TSPAN9: variants seen among roughly 807,000 people sequenced by gnomAD.
TSPAN9 encodes the protein tetraspanin-9.
TSPAN9 carries 16 observed loss-of-function variants against 31.0 expected under a neutral mutation model. The ratio of observed to expected loss-of-function variants is 0.52; its 90% CI spans 0.35 to 0.78. TSPAN9 has a LOEUF of 0.78. Ranked by LOEUF, TSPAN9 falls within the 30% of genes least tolerant of loss-of-function variation. The probability of loss-of-function intolerance (pLI) is 0.01; values close to 1 mark genes in which losing one functional copy is unlikely to be tolerated. For missense variants in TSPAN9, 272 were observed against 312.5 expected, an observed-to-expected ratio of 0.87 and a Z score of 0.98; for synonymous variants, 145 against 121.6, an observed-to-expected ratio of 1.19 and a Z score of -1.27.
At chr12:3,134,809 G>A (rs779404860) in intron 2 of TSPAN9, among the ~76,000 whole-genome samples, 26 of 152,180 alleles carry the variant, frequency 1.7e-4, no homozygotes, top group Non-Finnish European at 3.1e-4. Flanking sequence ...GAAGGTGGAC[G>A]TATAGTCAGG....
In TSPAN9 at chr12:3,126,246, C is replaced by T. The variant is rs115483374; in HGVS notation, c.-18+42527C>T. Among the ~76,000 whole-genome samples the T allele has an allele frequency of 1.1e-3, 161 of 152,336 alleles. 1 individual carries two copies. Among genetic ancestry groups the T allele is most frequent in the African/African-American group, 3.7e-3 (153 of 41,578 alleles). ...AACTATACAGTCACGTGTTGCTTCA[C>T]GACTGGGCTGTGTTCTGGGAAATGC... On this transcript the variant is annotated intron_variant, in intron 2 of 8. Transcript: ENST00000011898.
At position 3,278,627 on chromosome 12, in the gene TSPAN9, A is replaced by C. The variant is rs747202375; in HGVS notation, c.255+15A>C. ...TCCTCCTCAGCGTAAGTTCTGTCCA[A>C]ATCCCCAGCCCCTCCAACTCCTGAT... is the stretch of plus-strand genomic sequence containing the variant. On this transcript the variant is annotated intron_variant, in intron 4 of 8. Transcript: ENST00000011898. The C allele has an allele frequency of 6.2e-7, 1 of 1,608,302 alleles. No individual in the cohort carries two copies. The highest frequency in any genetic ancestry group is 1.3e-5 in the African/African-American group (1 of 74,790).
chr12:3,086,251 G>T (rs988857815), intron 2 of TSPAN9, among the ~76,000 whole-genome samples: 11 of 152,054 alleles, frequency 7.2e-5, no homozygotes, highest in African/African-American at 2.4e-4. Flanking sequence ...GGAGATAGAA[G>T]AACCCCTTTG....
intron 2 of TSPAN9, among the ~76,000 whole-genome samples, chr12:3,146,959 C>T (rs73050175): frequency 0.17 from 25,758 of 152,056 alleles, 2,426 homozygotes; most frequent in Non-Finnish European, 0.22. Flanking sequence ...CTCTGAGCCT[C>T]AGTTTCCTCA....
At chr12:3,225,401 C>T (rs897518684) in intron 3 of TSPAN9, among the ~76,000 whole-genome samples, 1 of 152,104 alleles carries the variant, frequency 6.6e-6, no homozygotes, top group African/African-American at 2.4e-5. Flanking sequence ...TTTTCTCTAC[C>T]TTTCTTGAAA....
chr12:3,093,057 TC>T (rs1170754207), intron 2 of TSPAN9, among the ~76,000 whole-genome samples: 42 of 152,150 alleles, frequency 2.8e-4, no homozygotes, highest in African/African-American at 9.2e-4. Flanking sequence ...GCATTCAGAG[TC>T]CTGGCGTTGT....
chr12:3,231,469 C>T (rs1032118501), intron 3 of TSPAN9, among the ~76,000 whole-genome samples: 13 of 152,202 alleles, frequency 8.5e-5, no homozygotes, highest in African/African-American at 1.7e-4. Flanking sequence ...ATCAGCCCCG[C>T]GTCACTACGG....
chr12:3,199,093 T>G (rs1468288939), intron 2 of TSPAN9, among the ~76,000 whole-genome samples: 1 of 152,218 alleles, frequency 6.6e-6, no homozygotes, highest in Non-Finnish European at 1.5e-5. Flanking sequence ...TCATATCTGT[T>G]TCTTCGAGGG....
intron 2 of TSPAN9, among the ~76,000 whole-genome samples, chr12:3,091,085 G>A (rs1345493117): frequency 6.6e-6 from 1 of 152,228 alleles, no homozygotes; most frequent in East Asian, 1.9e-4. Context: ...TTGTCTTCTT[G>A]GTACTCCCTG....
chr12:3,223,840 A>G (rs945568985), intron 3 of TSPAN9, among the ~76,000 whole-genome samples: 2 of 152,166 alleles, frequency 1.3e-5, no homozygotes, highest in African/African-American at 4.8e-5. Context: ...AGGCGTCGGG[A>G]TGGCATCCAG....
chr12:3,200,835 A>C (rs2153972995), intron 2 of TSPAN9: 6 of 211,914 alleles, frequency 2.8e-5, no homozygotes, highest in South Asian at 1.7e-4. Context: ...GCCCCCCCGC[A>C]GCCCGCGCCC....
At chr12:3,183,344 G>A (rs759122173) in intron 2 of TSPAN9, among the ~76,000 whole-genome samples, 32 of 152,296 alleles carry the variant, frequency 2.1e-4, no homozygotes, top group African/African-American at 4.1e-4. Flanking sequence ...GATTTTCTCC[G>A]CAGCTGGCGT....
intron 3 of TSPAN9, among the ~76,000 whole-genome samples, chr12:3,275,029 C>T (rs1438106519): frequency 4.6e-5 from 7 of 152,240 alleles, no homozygotes; most frequent in Admixed American, 3.9e-4. Context: ...GGGGACAGGG[C>T]ACCAGCTGTG....
intron 2 of TSPAN9, among the ~76,000 whole-genome samples, chr12:3,117,755 C>A (rs1049667377): frequency 1.3e-5 from 2 of 152,184 alleles, no homozygotes; most frequent in African/African-American, 4.8e-5. Flanking sequence ...CTTCTGGGAA[C>A]CTGAGACTAT....
intron 3 of TSPAN9, among the ~76,000 whole-genome samples, chr12:3,250,401 C>T (rs1862226124): frequency 6.6e-6 from 1 of 152,234 alleles, no homozygotes; most frequent in African/African-American, 2.4e-5. Context: ...ACCCCATCAG[C>T]CCTGTTTTTC....
Position 3,235,270 on chromosome 12 carries a change from A to ATG in TSPAN9, c.63+34016_63+34017dup, listed in dbSNP as rs1491042734. 1.9e-3 allele frequency among the ~76,000 whole-genome samples: 179 copies of ATG among 96,138 alleles called. 1 individual carries two copies. The highest frequency in any genetic ancestry group is 6.3e-3 in the Middle Eastern group (1 of 160). The allele number at this position is 96,138 out of a possible 152,430, so 63.1% of individuals were successfully genotyped here. A position where few individuals can be genotyped will look rare whatever the true frequency, so the allele number is the denominator to read the frequency against. Reference sequence around the variant, plus strand: ...TATATATATATATATATATATATATATGTAAGTGAATGAAGGAATGAGTGG... The same window carrying ATG: ...TATATATATATATATATATATATATATGTGTAAGTGAATGAAGGAATGAGTGG... On this transcript the variant is annotated intron_variant, in intron 3 of 8. Coordinates refer to ENST00000011898, the MANE Select transcript of TSPAN9 (RefSeq NM_006675.5).
intron 3 of TSPAN9, among the ~76,000 whole-genome samples, chr12:3,215,578 T>G (rs2098380973): frequency 6.6e-6 from 1 of 152,208 alleles, no homozygotes; most frequent in Non-Finnish European, 1.5e-5. Context: ...CCTAAAGCTG[T>G]GCAATGATTT....
At chr12:3,129,190 A>G (rs1411034407) in intron 2 of TSPAN9, among the ~76,000 whole-genome samples, 1 of 151,750 alleles carries the variant, frequency 6.6e-6, no homozygotes, top group Non-Finnish European at 1.5e-5. Flanking sequence ...GGGTGTTTCT[A>G]CCTTTTGGCT....
rs899591279 is a variant in TSPAN9, at chr12:3,147,310, G to A, written c.-17-53867G>A. ...CGCCAGGGGCTGGAGAGAATGACAG[G>A]CGTCCCATGTATCCCAAAAATGCAG... On this transcript the variant is annotated intron_variant, in intron 2 of 8. Coordinates refer to ENST00000011898, the MANE Select transcript of TSPAN9 (RefSeq NM_006675.5). The surrounding 1 kb of genome is among the most constrained non-coding windows in gnomAD (Gnocchi z 4.3). Among the ~76,000 whole-genome samples the A allele has an allele frequency of 2.6e-5, 4 of 152,138 alleles. No individual in the cohort carries two copies. Among genetic ancestry groups the A allele is most frequent in the Admixed American group, 1.3e-4 (2 of 15,290 alleles).
Sources: gnomAD v4.1 joint callset for allele counts (sites outside exome capture counted in the v4.1 genomes callset) on GRCh38, gnomAD v4.1.1 for gene constraint, Gnocchi (gnomAD v3.1) non-coding constraint, MANE v1.5 for transcripts, NCBI Gene and HGNC (gene_info 2026-07-23, HGNC 2026-07-21) for gene names.